COBL: variants seen among roughly 807,000 people sequenced by gnomAD.
COBL encodes the protein cordon-bleu WH2 repeat protein.
COBL carries 51 observed loss-of-function variants against 98.8 expected under a neutral mutation model. The ratio of observed to expected loss-of-function variants is 0.52; its 90% CI spans 0.41 to 0.65. The LOEUF (loss-of-function observed/expected upper bound fraction) is 0.65. Ranked by LOEUF, COBL falls within the 30% of genes least tolerant of loss-of-function variation. The pLI, the probability that COBL is intolerant of heterozygous loss-of-function variation, is 0.00. For missense variants in COBL, 1,617 were observed against 1,617.5 expected (o/e 1.00, Z 0.01); for synonymous variants, 634 against 651.7 (o/e 0.97, Z 0.41).
chr7:51,131,923 T>G (rs1199566244), intron 6 of COBL, among the ~76,000 whole-genome samples: 1 of 152,098 alleles, frequency 6.6e-6, no homozygotes, highest in Admixed American at 6.5e-5. Flanking sequence ...CTATCAGGAC[T>G]GAAAGGGATG....
At position 51,249,192 on chromosome 7, in the gene COBL, G is replaced by A. The variant is rs187093136; in HGVS notation, c.42-29248C>T. On this transcript the variant is annotated intron_variant, in intron 1 of 12. Coordinates refer to ENST00000265136, the MANE Select transcript of COBL (RefSeq NM_015198.5). ...CAAGGCAAGGCTATCTGTGACCTGT[G>A]GTGAGTGAGGGGGCCCCCATCCAGG... 5.3e-5 allele frequency among the ~76,000 whole-genome samples: 8 copies of A among 152,276 alleles called. No individual in the cohort carries two copies. The East Asian group carries it at 1.5e-3, about 29-fold the overall frequency.
At chr7:51,234,792 G>A in intron 1 of COBL, among the ~76,000 whole-genome samples, 1 of 152,108 alleles carries the variant, frequency 6.6e-6, no homozygotes, top group South Asian at 2.1e-4. Context: ...CTGGACAGCA[G>A]GCTGGACTAG....
intron 1 of COBL, among the ~76,000 whole-genome samples, chr7:51,271,976 C>A (rs1485533527): frequency 6.6e-6 from 1 of 152,172 alleles, no homozygotes; most frequent in African/African-American, 2.4e-5. Context: ...CTACAGTGAG[C>A]CAAGATCGTA....
At chr7:51,021,889 T>C (rs1234551495) in intron 12 of COBL, among the ~76,000 whole-genome samples, 1 of 152,226 alleles carries the variant, frequency 6.6e-6, no homozygotes, top group Non-Finnish European at 1.5e-5. Flanking sequence ...GGCAAACTTC[T>C]AGGAAATGCA....
intron 5 of COBL, among the ~76,000 whole-genome samples, chr7:51,165,104 A>G (rs940275630): frequency 1.3e-5 from 2 of 152,000 alleles, no homozygotes; most frequent in Admixed American, 1.3e-4. Flanking sequence ...AGATAACAAA[A>G]TAACAGGATT....
At chr7:51,165,890 A>G (rs1787268898) in intron 5 of COBL, among the ~76,000 whole-genome samples, 1 of 152,080 alleles carries the variant, frequency 6.6e-6, no homozygotes, top group African/African-American at 2.4e-5. Context: ...GCAATTAAGA[A>G]GGAAATTAAA....
intron 5 of COBL, among the ~76,000 whole-genome samples, chr7:51,170,296 TATACA>T (rs1194936134): frequency 6.6e-6 from 1 of 152,106 alleles, no homozygotes; most frequent in African/African-American, 2.4e-5. Context: ...CATGCTTCGA[TATACA>T]ATTAGCTCTA....
chr7:51,051,844 G>A (rs952409492), intron 7 of COBL, among the ~76,000 whole-genome samples: 7 of 127,152 alleles, frequency 5.5e-5, no homozygotes. Flanking sequence ...GCTGGCTTTG[G>A]CTGATGATGC....
chr7:51,294,054 G>A (rs2129191404), intron 1 of COBL, among the ~76,000 whole-genome samples: 1 of 152,266 alleles, frequency 6.6e-6, no homozygotes, highest in East Asian at 1.9e-4. Flanking sequence ...ACTTTGGGAG[G>A]CAAAGGCTGG....
At chr7:51,140,334 C>T (rs942084662) in intron 5 of COBL, among the ~76,000 whole-genome samples, 2 of 151,964 alleles carry the variant, frequency 1.3e-5, no homozygotes, top group Admixed American at 1.3e-4. Flanking sequence ...CACTGATAGC[C>T]AATTAACTCC....
At chr7:51,062,856 C>A (rs1439596748) in intron 7 of COBL, among the ~76,000 whole-genome samples, 1 of 152,150 alleles carries the variant, frequency 6.6e-6, no homozygotes, top group Non-Finnish European at 1.5e-5. Context: ...CTGTGAGACA[C>A]CCGTGGAGAG....
intron 1 of COBL, among the ~76,000 whole-genome samples, chr7:51,265,995 C>T (rs1798166887): frequency 6.6e-6 from 1 of 151,986 alleles, no homozygotes. Flanking sequence ...ATTCCTTTCA[C>T]AGTAATATAC....
At chr7:51,190,694 T>G (rs897055941) in intron 4 of COBL, among the ~76,000 whole-genome samples, 156 bp downstream of exon 4, 1 of 152,170 alleles carries the variant, frequency 6.6e-6, no homozygotes, top group African/African-American at 2.4e-5. Flanking sequence ...AGGCCAGATT[T>G]CTTTTTTGCC....
intron 5 of COBL, among the ~76,000 whole-genome samples, chr7:51,154,899 G>A (rs1392786558): frequency 1.3e-5 from 2 of 152,254 alleles, no homozygotes; most frequent in East Asian, 1.9e-4. Flanking sequence ...AACAAACTGC[G>A]CCAGAGATCA....
chr7:51,207,003 C>A (rs532390527), intron 2 of COBL, among the ~76,000 whole-genome samples: 1 of 152,156 alleles, frequency 6.6e-6, no homozygotes, highest in Non-Finnish European at 1.5e-5. Flanking sequence ...CTAAGAGAGT[C>A]AACCTTCAGT....
At chr7:51,100,196 AT>A (rs1795688984) in intron 6 of COBL, among the ~76,000 whole-genome samples, 1 of 152,114 alleles carries the variant, frequency 6.6e-6, no homozygotes, top group Admixed American at 6.5e-5. Context: ...CCCACGTATT[AT>A]TTTCTAGTCT....
chr7:51,162,154 C>T (rs1279425540), intron 5 of COBL, among the ~76,000 whole-genome samples: 1 of 152,170 alleles, frequency 6.6e-6, no homozygotes, highest in East Asian at 1.9e-4. Context: ...ATGACGTTAA[C>T]TGCAGTGTAA....
At chr7:51,151,321 A>C (rs1785534072) in intron 5 of COBL, among the ~76,000 whole-genome samples, 1 of 152,014 alleles carries the variant, frequency 6.6e-6, no homozygotes, top group Non-Finnish European at 1.5e-5. Context: ...TTTATCTACA[A>C]CCTGCGGCCT....
chr7:51,146,594 A>G (rs2129016604), intron 5 of COBL, among the ~76,000 whole-genome samples: 1 of 145,142 alleles, frequency 6.9e-6, no homozygotes, highest in East Asian at 2.2e-4. Context: ...CTCTTGTTGG[A>G]AATAAAAAGA....
Sources: gnomAD v4.1 joint callset for allele counts (sites outside exome capture counted in the v4.1 genomes callset) on GRCh38, gnomAD v4.1.1 for gene constraint, MANE v1.5 for transcripts, NCBI Gene and HGNC (gene_info 2026-07-23, HGNC 2026-07-21) for gene names.